UBXN4: variants seen among roughly 807,000 people sequenced by gnomAD.
UBXN4 encodes UBX domain-containing protein 4.
UBXN4 carries 35 observed loss-of-function variants against 66.2 expected under a neutral mutation model. The ratio of observed to expected loss-of-function variants is 0.53; its 90% CI spans 0.40 to 0.70. UBXN4 has a LOEUF of 0.70. UBXN4 is among the 30% of genes least tolerant of loss of function. The pLI is 0.00. For synonymous variants in UBXN4, 203 were observed against 204.5 expected (o/e 0.99, Z 0.06); for missense variants, 533 against 599.8 (o/e 0.89, Z 1.16).
intron 1 of UBXN4, among the ~76,000 whole-genome samples, chr2:135,745,302 A>C (rs1233278540): frequency 6.6e-6 from 1 of 152,162 alleles, no homozygotes; most frequent in African/African-American, 2.4e-5. Flanking sequence ...CTGCGTGGTG[A>C]ACTCTTCTGG....
intron 9 of UBXN4, among the ~76,000 whole-genome samples, chr2:135,773,037 CAAA>C (rs78669415): frequency 5.0e-5 from 4 of 80,006 alleles, no homozygotes; most frequent in Admixed American, 3.0e-4. Context: ...ACTCCGTCCC[CAAA>C]AAAAAAAAAA....
intron 2 of UBXN4, among the ~76,000 whole-genome samples, chr2:135,751,277 C>T (rs2077239525): frequency 1.3e-5 from 2 of 151,776 alleles, no homozygotes; most frequent in Non-Finnish European, 2.9e-5. Context: ...AGCTCCGCCT[C>T]CCGGGCTCAC....
intron 1 of UBXN4, among the ~76,000 whole-genome samples, chr2:135,744,952 G>C (rs1361357032): frequency 2.6e-5 from 4 of 152,192 alleles, no homozygotes; most frequent in African/African-American, 4.8e-5. Context: ...GACAGACACT[G>C]CCAGTAGGGT....
intron 2 of UBXN4, 21 bp downstream of exon 2, chr2:135,748,390 T>C: frequency 6.8e-7 from 1 of 1,480,878 alleles, no homozygotes. Flanking sequence ...GTTTTAATAT[T>C]TTATTAATTT....
chr2:135,747,323 G>A (rs1421571778), intron 1 of UBXN4, among the ~76,000 whole-genome samples: 16 of 120,718 alleles, frequency 1.3e-4, no homozygotes, highest in Non-Finnish European at 2.2e-4. Flanking sequence ...ACTACAACCT[G>A]AGCGACAAGA....
At chr2:135,765,502 C>T (rs189195113) in intron 6 of UBXN4, among the ~76,000 whole-genome samples, 1 of 152,182 alleles carries the variant, frequency 6.6e-6, no homozygotes, top group African/African-American at 2.4e-5. Context: ...TGAGCCACCA[C>T]ACCCAGCCAT....
chr2:135,776,949 A>AT (rs2077419024), intron 10 of UBXN4, among the ~76,000 whole-genome samples: 1 of 152,112 alleles, frequency 6.6e-6, no homozygotes, highest in African/African-American at 2.4e-5. Flanking sequence ...CAGGCAAGTG[A>AT]TTTCCCGAAG....
chr2:135,755,420 T>C, intron 4 of UBXN4, 97 bp from the exon 5 acceptor site: 4 of 925,028 alleles, frequency 4.3e-6, no homozygotes, highest in Non-Finnish European at 5.8e-6. Context: ...TATTTCTCTT[T>C]TTATAGAGTA....
At chr2:135,779,430 C>T (rs1013124918) in intron 11 of UBXN4, among the ~76,000 whole-genome samples, 6 of 152,150 alleles carry the variant, frequency 3.9e-5, no homozygotes, top group African/African-American at 1.4e-4. Flanking sequence ...CCAAAAATAA[C>T]ATGAATATTC....
At chr2:135,747,099 A>C (rs1263104648) in intron 1 of UBXN4, among the ~76,000 whole-genome samples, 1 of 152,132 alleles carries the variant, frequency 6.6e-6, no homozygotes, top group Non-Finnish European at 1.5e-5. Context: ...GGAAGGATGG[A>C]GTTACCATAA....
intron 6 of UBXN4, among the ~76,000 whole-genome samples, chr2:135,769,230 G>A (rs2077367421): frequency 6.6e-6 from 1 of 151,790 alleles, no homozygotes; most frequent in South Asian, 2.1e-4. Flanking sequence ...TTTAGCTCAA[G>A]AGATCCACCA....
intron 1 of UBXN4, among the ~76,000 whole-genome samples, chr2:135,743,777 T>C (rs1425847229): frequency 6.6e-6 from 1 of 152,222 alleles, no homozygotes; most frequent in Non-Finnish European, 1.5e-5. Flanking sequence ...GAGATTTTTA[T>C]TAACAAATAT....
At chr2:135,747,610 G>A in intron 1 of UBXN4, 1 of 456,474 alleles carries the variant, frequency 2.2e-6, no homozygotes, top group Non-Finnish European at 4.4e-6. Context: ...ACAGAAAGGT[G>A]CCACATAAAG....
intron 11 of UBXN4, among the ~76,000 whole-genome samples, chr2:135,779,503 C>CAGACAGCTTAAATGACTGCTGCCGT (rs2077436883): frequency 2.0e-5 from 3 of 152,132 alleles, no homozygotes; most frequent in African/African-American, 7.2e-5. Flanking sequence ...AAAAGAAGCT[C>CAGACAGCTTAAATGACTGCTGCCGT]AGACAGCTTA....
At chr2:135,746,518 G>A (rs1333641148) in intron 1 of UBXN4, among the ~76,000 whole-genome samples, 2 of 152,180 alleles carry the variant, frequency 1.3e-5, no homozygotes, top group Admixed American at 6.5e-5. Flanking sequence ...AATGTCTCAA[G>A]AGTGTAATTT....
chr2:135,776,699 C>G (rs1434363383), intron 10 of UBXN4, among the ~76,000 whole-genome samples: 1 of 152,036 alleles, frequency 6.6e-6, no homozygotes, highest in Non-Finnish European at 1.5e-5. Context: ...GCTCAAGCGA[C>G]CCTCCCACCT....
Position 135,770,562 on chromosome 2 carries a change from T to C in UBXN4, c.658-9T>C. On this transcript the variant is annotated splice_polypyrimidine_tract_variant and intron_variant, in intron 7 of 12. Coordinates refer to ENST00000272638, the MANE Select transcript of UBXN4 (RefSeq NM_014607.4). Reference sequence around the variant, plus strand: ...GTTTTTGGATCATAAAACTTTTTCTTTAATTCAGAGAGAAATTAAGAAGGA... The same window carrying C: ...GTTTTTGGATCATAAAACTTTTTCTCTAATTCAGAGAGAAATTAAGAAGGA... The C allele has an allele frequency of 6.9e-7, 1 of 1,446,738 alleles. No homozygotes were observed. Among genetic ancestry groups the C allele is most frequent in the Non-Finnish European group, 9.1e-7 (1 of 1,093,570 alleles). 89.6% of individuals were successfully genotyped at this position (1,446,738 alleles called of 1,614,324 possible).
intron 4 of UBXN4, among the ~76,000 whole-genome samples, chr2:135,754,888 G>A (rs1212915144): frequency 1.3e-5 from 2 of 152,076 alleles, no homozygotes; most frequent in Non-Finnish European, 1.5e-5. Flanking sequence ...GGGTTCGAGC[G>A]ATTTTTCTGC....
intron 10 of UBXN4, among the ~76,000 whole-genome samples, chr2:135,778,576 T>G (rs2077431798): frequency 6.6e-6 from 1 of 152,242 alleles, no homozygotes; most frequent in Admixed American, 6.5e-5. Context: ...AGGGATTACC[T>G]GTAATCCAAA....
Sources: allele counts gnomAD v4.1 joint callset (sites outside exome capture counted in the v4.1 genomes callset), GRCh38; gene constraint gnomAD v4.1.1; transcripts MANE v1.5; gene names NCBI Gene and HGNC (gene_info 2026-07-23, HGNC 2026-07-21).